The following NOS1AP variants were observed in gnomAD, a reference collection of about 807,000 sequenced individuals.
NOS1AP encodes the protein carboxyl-terminal PDZ ligand of neuronal nitric oxide synthase protein.
In NOS1AP, 21 loss-of-function variants were observed where a neutral mutation model predicts 56.2. The observed-to-expected ratio is 0.37, with a 90% confidence interval of 0.26 to 0.54. The LOEUF (loss-of-function observed/expected upper bound fraction) is 0.54. Ranked by LOEUF, NOS1AP falls within the 20% of genes least tolerant of loss-of-function variation. NOS1AP has a pLI of 0.84. For missense variants in NOS1AP, 522 were observed against 657.8 expected, an observed-to-expected ratio of 0.79 and a Z score of 2.26; for synonymous variants, 270 against 274.6, an observed-to-expected ratio of 0.98 and a Z score of 0.17.
intron 5 of NOS1AP, among the ~76,000 whole-genome samples, chr1:162,337,988 A>G (rs1430095344): frequency 2.6e-5 from 4 of 152,360 alleles, no homozygotes; most frequent in African/African-American, 4.8e-5. Context: ...GATTAAGATC[A>G]TTTGATAGAT....
intron 1 of NOS1AP, among the ~76,000 whole-genome samples, chr1:162,085,850 A>G (rs1260255459): frequency 1.3e-5 from 2 of 152,156 alleles, no homozygotes; most frequent in African/African-American, 4.8e-5. Context: ...TGTGCTGGGC[A>G]TTCTGCTTGG....
At chr1:162,244,343 AC>A (rs1653590527) in intron 2 of NOS1AP, among the ~76,000 whole-genome samples, 1 of 152,074 alleles carries the variant, frequency 6.6e-6, no homozygotes, top group Non-Finnish European at 1.5e-5. Context: ...TCTTAAACCA[AC>A]CTTTGTTACC....
chr1:162,307,912 G>A (rs1421941755), intron 4 of NOS1AP, among the ~76,000 whole-genome samples: 1 of 152,128 alleles, frequency 6.6e-6, no homozygotes, highest in Non-Finnish European at 1.5e-5. Flanking sequence ...ATTATTCAGG[G>A]CTAACTAGAG....
intron 1 of NOS1AP, among the ~76,000 whole-genome samples, chr1:162,109,051 T>A (rs975401811): frequency 9.2e-5 from 14 of 152,182 alleles, no homozygotes; most frequent in African/African-American, 3.1e-4. Context: ...GCAAGAGAGC[T>A]TGTGCAGGGG....
chr1:162,255,861 G>A lies in NOS1AP; in HGVS notation c.178-31483G>A, dbSNP rs906501632. On this transcript the variant is annotated intron_variant, in intron 2 of 9. Transcript: ENST00000361897. ...GAGGGAAATAAAAATTGGGTAAATT[G>A]ATGCTGGGTGCGGTGGCTTACGCCT... 5.9e-5 allele frequency among the ~76,000 whole-genome samples: 9 copies of A among 152,290 alleles called. No homozygotes were observed. The East Asian group carries it at 1.7e-3, about 29-fold the overall frequency.
intron 6 of NOS1AP, among the ~76,000 whole-genome samples, chr1:162,350,515 C>T (rs909457347): frequency 6.6e-5 from 10 of 152,254 alleles, no homozygotes; most frequent in Admixed American, 2.6e-4. Context: ...TACTGCTTCT[C>T]TGACTCCTTC....
At chr1:162,257,694 C>T (rs910215629) in intron 2 of NOS1AP, among the ~76,000 whole-genome samples, 2 of 151,406 alleles carry the variant, frequency 1.3e-5, no homozygotes, top group Non-Finnish European at 3.0e-5. Flanking sequence ...ATCTGGTACA[C>T]ATGTAAACAC....
chr1:162,202,244 G>A (rs186903203), intron 2 of NOS1AP, among the ~76,000 whole-genome samples: 171 of 152,190 alleles, frequency 1.1e-3, no homozygotes, highest in Non-Finnish European at 1.8e-3. Flanking sequence ...CCCTGAAAGC[G>A]ATATATTCTT....
At chr1:162,108,804 A>G (rs1322770326) in intron 1 of NOS1AP, among the ~76,000 whole-genome samples, 1 of 152,240 alleles carries the variant, frequency 6.6e-6, no homozygotes, top group East Asian at 1.9e-4. Flanking sequence ...GTAGGAAACT[A>G]CAGAAAAATA....
intron 7 of NOS1AP, 110 bp from the exon 8 acceptor site, chr1:162,356,850 T>C (rs1412404082): frequency 3.7e-6 from 6 of 1,603,342 alleles, no homozygotes; most frequent in East Asian, 2.2e-5. Flanking sequence ...TGTCAGCTTA[T>C]GGGTTGTAAG....
At chr1:162,113,272 A>G (rs1196109273) in intron 1 of NOS1AP, among the ~76,000 whole-genome samples, 1 of 152,128 alleles carries the variant, frequency 6.6e-6, no homozygotes, top group Non-Finnish European at 1.5e-5. Flanking sequence ...TTGTTGGAGC[A>G]TTACTGGAGG....
intron 2 of NOS1AP, among the ~76,000 whole-genome samples, chr1:162,198,593 C>T (rs1651882204): frequency 6.6e-6 from 1 of 152,286 alleles, no homozygotes; most frequent in South Asian, 2.1e-4. Flanking sequence ...TTCTCCTAGG[C>T]TTTGGAAATG....
intron 1 of NOS1AP, among the ~76,000 whole-genome samples, chr1:162,073,539 C>T (rs956416867): frequency 2.6e-5 from 4 of 152,184 alleles, no homozygotes; most frequent in Non-Finnish European, 5.9e-5. Flanking sequence ...CAGCTCATCA[C>T]AACCTCCAAC....
At chr1:162,222,257 T>TTG (rs1280379379) in intron 2 of NOS1AP, among the ~76,000 whole-genome samples, 4 of 152,244 alleles carry the variant, frequency 2.6e-5, no homozygotes, top group African/African-American at 9.6e-5. Context: ...AGCCACGTTA[T>TTG]TGAGCATGGC....
chr1:162,212,800 G>A (rs958822690), intron 2 of NOS1AP, among the ~76,000 whole-genome samples: 1 of 96,518 alleles, frequency 1.0e-5, no homozygotes, highest in Admixed American at 1.2e-4. Context: ...CTGGGATGTT[G>A]CTTCTGCCCT....
chr1:162,249,608 T>C (rs549513816), intron 2 of NOS1AP, among the ~76,000 whole-genome samples: 1 of 152,346 alleles, frequency 6.6e-6, no homozygotes, highest in African/African-American at 2.4e-5. Flanking sequence ...ATCATTTTCA[T>C]ATACATGAGC....
Position 162,070,122 on chromosome 1 carries a change from GC to G in NOS1AP, c.-54del. Reference sequence around the variant, plus strand: ...TCCAGTCTCCCCTCCCCGGGGTCTCGCCAGCCCCTTCCTGCAGCCGCCGCCT... The same window carrying G: ...TCCAGTCTCCCCTCCCCGGGGTCTCGCAGCCCCTTCCTGCAGCCGCCGCCT... On this transcript the variant is annotated 5_prime_UTR_variant, in exon 1 of 10. Transcript: ENST00000361897. 6.9e-7 allele frequency: 1 copy of G among 1,444,626 alleles called. No homozygotes were observed. The highest frequency in any genetic ancestry group is 1.1e-5 in the South Asian group (1 of 87,428). 89.5% of individuals were successfully genotyped at this position (1,444,626 alleles called of 1,614,324 possible). A position where few individuals can be genotyped will look rare whatever the true frequency, so the allele number is the denominator to read the frequency against.
In NOS1AP at chr1:162,188,255, C is replaced by G. The variant is rs370614169; in HGVS notation, c.177+33779C>G. Reference sequence around the variant, plus strand: ...TTGTATAAGCAAATGGTGCCCTTTGCAATCGTTTTGTAAATTATCTGTGGC... The same window carrying G: ...TTGTATAAGCAAATGGTGCCCTTTGGAATCGTTTTGTAAATTATCTGTGGC... On this transcript the variant is annotated intron_variant, in intron 2 of 9. Transcript: ENST00000361897. This position sits in a 1 kb window ranked among gnomAD's most constrained non-coding sequence, Gnocchi z 4.0. Among the ~76,000 whole-genome samples the G allele has an allele frequency of 2.4e-4, 36 of 152,308 alleles. No individual in the cohort carries two copies. The highest frequency in any genetic ancestry group is 8.2e-4 in the African/African-American group (34 of 41,560).
intron 1 of NOS1AP, among the ~76,000 whole-genome samples, chr1:162,088,808 G>A (rs905477725): frequency 6.6e-6 from 1 of 152,162 alleles, no homozygotes; most frequent in Non-Finnish European, 1.5e-5. Context: ...GACACTGCTA[G>A]CTGTGTGTCC....
Sources: gnomAD v4.1 joint callset for allele counts (sites outside exome capture counted in the v4.1 genomes callset) on GRCh38, gnomAD v4.1.1 for gene constraint, Gnocchi (gnomAD v3.1) non-coding constraint, MANE v1.5 for transcripts, NCBI Gene and HGNC (gene_info 2026-07-23, HGNC 2026-07-21) for gene names.